CIB2: variants seen among roughly 807,000 people sequenced by gnomAD.
CIB2 encodes the protein calcium and integrin-binding family member 2.
In CIB2, 19 loss-of-function variants were observed where a neutral mutation model predicts 23.1. That is an observed-to-expected ratio of 0.82 (90% CI 0.57 to 1.21). The LOEUF (loss-of-function observed/expected upper bound fraction) is 1.21, where lower values mean the gene tolerates loss of function less well. CIB2 is among the 50% of genes most tolerant of loss of function. The pLI is 0.00. For missense variants in CIB2, 220 were observed against 241.5 expected, an observed-to-expected ratio of 0.91 and a Z score of 0.59; for synonymous variants, 94 against 91.7, an observed-to-expected ratio of 1.03 and a Z score of -0.14.
intron 1 of CIB2, among the ~76,000 whole-genome samples, chr15:78,129,492 C>A (rs1426596964): frequency 1.3e-5 from 2 of 152,038 alleles, no homozygotes; most frequent in East Asian, 1.9e-4. Flanking sequence ...CTGTCCCCTC[C>A]ACCTGGAATG....
Position 78,109,552 on chromosome 15 carries a change from T to G in CIB2, c.199-170A>C, listed in dbSNP as rs77809189. ...TAATAACACCTTCTTAATTGGGTTG[T>G]GATGGGATTAAATGAGCTAAAGTAT... On this transcript the variant is annotated intron_variant, in intron 3 of 5. Coordinates refer to ENST00000258930, the MANE Select transcript of CIB2 (RefSeq NM_006383.4). 7.8e-4 allele frequency: 567 copies of G among 729,460 alleles called. 8 individuals are homozygous for G. In the East Asian group the frequency reaches 0.014, roughly 17 times the overall value. The allele number at this position is 729,460 out of a possible 1,614,324, so 45.2% of individuals were successfully genotyped here. A position where few individuals can be genotyped will look rare whatever the true frequency, so the allele number is the denominator to read the frequency against.
chr15:78,109,202 C>CCCT, intron 4 of CIB2, 33 bp downstream of exon 4: 1 of 879,108 alleles, frequency 1.1e-6, no homozygotes, highest in Non-Finnish European at 1.7e-6. Context: ...TCCCCCACCG[C>CCCT]ATATTCAGGC....
intron 2 of CIB2, among the ~76,000 whole-genome samples, chr15:78,114,146 T>C (rs1309785948): frequency 6.6e-6 from 1 of 152,180 alleles, no homozygotes; most frequent in Non-Finnish European, 1.5e-5. Context: ...ACTGGCAGCT[T>C]TTAGCATGCT....
intron 2 of CIB2, among the ~76,000 whole-genome samples, chr15:78,111,958 A>G (rs1318006674): frequency 6.6e-6 from 1 of 152,096 alleles, no homozygotes; most frequent in East Asian, 1.9e-4. Flanking sequence ...GCCCCTATGA[A>G]TGGGTCACCC....
intron 1 of CIB2, among the ~76,000 whole-genome samples, chr15:78,128,632 A>G (rs1289876003): frequency 2.6e-5 from 4 of 151,166 alleles, no homozygotes; most frequent in Non-Finnish European, 4.4e-5. Flanking sequence ...CGGAGGTTGC[A>G]GTGAGCCGAG....
chr15:78,106,259 T>G (rs3784325), intron 4 of CIB2, among the ~76,000 whole-genome samples: 1 of 152,228 alleles, frequency 6.6e-6, no homozygotes, highest in Non-Finnish European at 1.5e-5. Flanking sequence ...TAGCCCACAG[T>G]GGACCCAGTG....
chr15:78,128,089 G>A (rs551087303), intron 1 of CIB2, among the ~76,000 whole-genome samples: 2 of 152,358 alleles, frequency 1.3e-5, no homozygotes, highest in East Asian at 3.9e-4. Flanking sequence ...GAAGGAAGCT[G>A]GAGTGTAAAC....
Position 78,126,354 on chromosome 15 carries a change from A to T in CIB2, c.52-2615T>A, listed in dbSNP as rs1028349142. ...GAGATGGGGTTTCACCATATTGGTC[A>T]GGCTGGTCTCGAACTCCTGACCTCA... On this transcript the variant is annotated intron_variant, in intron 1 of 5. Transcript: ENST00000258930. 5.3e-5 allele frequency among the ~76,000 whole-genome samples: 8 copies of T among 152,316 alleles called. No homozygotes were observed. The East Asian group carries it at 1.5e-3, about 29-fold the overall frequency.
intron 2 of CIB2, among the ~76,000 whole-genome samples, chr15:78,117,584 G>A (rs549978433): frequency 2.8e-4 from 42 of 152,228 alleles, no homozygotes; most frequent in African/African-American, 8.2e-4. Flanking sequence ...ATTAAATTAC[G>A]TCGAAATAAT....
chr15:78,119,957 G>A (rs1390953412), intron 2 of CIB2, among the ~76,000 whole-genome samples: 1 of 151,204 alleles, frequency 6.6e-6, no homozygotes, highest in Non-Finnish European at 1.5e-5. Context: ...CTGGTGTGCA[G>A]TGGTGCAATC....
At chr15:78,124,704 G>A (rs576731545) in intron 1 of CIB2, among the ~76,000 whole-genome samples, 26 of 152,158 alleles carry the variant, frequency 1.7e-4, no homozygotes, top group Non-Finnish European at 3.4e-4. Context: ...AAGCAAGAAG[G>A]CCTCCTAGGT....
At chr15:78,124,899 C>A (rs528112058) in intron 1 of CIB2, among the ~76,000 whole-genome samples, 101 of 152,298 alleles carry the variant, frequency 6.6e-4, no homozygotes, top group African/African-American at 2.3e-3. Flanking sequence ...AGGACGCCTG[C>A]AGGATGCACA....
rs140083273 is a variant in CIB2 at position 78,109,359 on chromosome 15, G to A, written c.222C>T (p.Ile74=). The change falls in exon 4 of 6, where the codon ATC becomes ATT. Residue 74 remains isoleucine (I), a synonymous_variant. Coordinates refer to ENST00000258930, the MANE Select transcript of CIB2 (RefSeq NM_006383.4). ...ELRENPFKER[I]VAAFSEDGEG... ...CACCATCCTCGGAAAACGCCGCCACGATCCTTTCTTTGAAGGGATTCTCCT... is the reference window on the plus strand; with the variant it reads ...CACCATCCTCGGAAAACGCCGCCACAATCCTTTCTTTGAAGGGATTCTCCT... 1.5e-5 allele frequency: 25 copies of A among 1,613,944 alleles called. No homozygotes were observed. The highest frequency in any genetic ancestry group is 2.1e-5 in the Non-Finnish European group (25 of 1,180,046).
chr15:78,112,535 C>G (rs2074176141), intron 2 of CIB2, among the ~76,000 whole-genome samples: 1 of 152,212 alleles, frequency 6.6e-6, no homozygotes, highest in Non-Finnish European at 1.5e-5. Context: ...CCACTGCATT[C>G]CAGCCTGGGC....
At chr15:78,129,595 C>G (rs1190310752) in intron 1 of CIB2, among the ~76,000 whole-genome samples, 1 of 152,208 alleles carries the variant, frequency 6.6e-6, no homozygotes, top group Non-Finnish European at 1.5e-5. Flanking sequence ...CCCTTCCCTG[C>G]TGGCCTCCCA....
chr15:78,111,118 C>A, intron 3 of CIB2, 47 bp downstream of exon 3: 1 of 1,532,316 alleles, frequency 6.5e-7, no homozygotes, highest in Non-Finnish European at 9.0e-7. Context: ...TGCTGCTGGT[C>A]CAGAGGCACA....
At chr15:78,115,395 A>C (rs1395751056) in intron 2 of CIB2, among the ~76,000 whole-genome samples, 1 of 151,432 alleles carries the variant, frequency 6.6e-6, no homozygotes, top group Non-Finnish European at 1.5e-5. Flanking sequence ...AAGTAGCTGG[A>C]ATTACAGGGG....
intron 2 of CIB2, among the ~76,000 whole-genome samples, chr15:78,111,966 C>A (rs1275635318): frequency 6.6e-6 from 1 of 152,276 alleles, no homozygotes; most frequent in South Asian, 2.1e-4. Context: ...GAATGGGTCA[C>A]CCATAAACTC....
chr15:78,127,982 C>G (rs1175743455), intron 1 of CIB2, among the ~76,000 whole-genome samples: 1 of 152,226 alleles, frequency 6.6e-6, no homozygotes, highest in Non-Finnish European at 1.5e-5. Flanking sequence ...GTCTAGAGTT[C>G]TTTGCTCTCC....
Sources: allele counts gnomAD v4.1 joint callset (sites outside exome capture counted in the v4.1 genomes callset), GRCh38; gene constraint gnomAD v4.1.1; transcripts MANE v1.5; gene names NCBI Gene and HGNC (gene_info 2026-07-23, HGNC 2026-07-21).